The following CELSR3 variants were observed in gnomAD, a reference collection of about 807,000 sequenced individuals.
The protein encoded by CELSR3 is EGF-like protein 1.
CELSR3 carries 73 observed loss-of-function variants against 270.0 expected under a neutral mutation model. The observed-to-expected ratio is 0.27, with a 90% confidence interval of 0.22 to 0.33. The LOEUF (loss-of-function observed/expected upper bound fraction) is 0.33. Ranked by LOEUF, CELSR3 falls within the 10% of genes least tolerant of loss-of-function variation. The pLI is 1.00. For synonymous variants in CELSR3, 1,780 were observed against 1,905.4 expected, an observed-to-expected ratio of 0.93 and a Z score of 1.71; for missense variants, 3,614 against 4,533.8, an observed-to-expected ratio of 0.80 and a Z score of 5.83.
Position 48,646,641 on chromosome 3 carries a change from G to A in CELSR3, c.7295+122C>T. On this transcript the variant is annotated intron_variant, in intron 21 of 34. Coordinates refer to ENST00000164024, the MANE Select transcript of CELSR3 (RefSeq NM_001407.3). This position sits in a 1 kb window ranked among gnomAD's most constrained non-coding sequence, Gnocchi z 4.8. ...TAAGATTCACACAGAACCCGGCAAG[G>A]ATGGGGCTCCCTGGAGCTGTGCTCC... 1 of 1,036,054 alleles carries A rather than the reference G, an allele frequency of 9.7e-7. No individual in the cohort carries two copies. The highest frequency in any genetic ancestry group is 1.4e-6 in the Non-Finnish European group (1 of 714,874). The allele number at this position is 1,036,054 out of a possible 1,614,324, so 64.2% of individuals were successfully genotyped here.
chr3:48,638,151 T>G lies in CELSR3; in HGVS notation c.*54A>C, dbSNP rs1276489496. On this transcript the variant is annotated 3_prime_UTR_variant, in exon 35 of 35. Coordinates refer to ENST00000164024, the MANE Select transcript of CELSR3 (RefSeq NM_001407.3). ...GCCCCCACTCCTGGAGTCTCTCCTG[T>G]TAGCCTAGATCCTCTGTCGCCCTCA... 2.6e-6 allele frequency: 4 copies of G among 1,546,294 alleles called. No homozygotes were observed. The highest frequency in any genetic ancestry group is 3.6e-6 in the Non-Finnish European group (4 of 1,118,892).
rs1379503261 is a variant in CELSR3 at position 48,662,555 on chromosome 3, A to G, written c.80T>C (p.Phe27Ser). 1 of 1,583,352 alleles carries G rather than the reference A, an allele frequency of 6.3e-7. No individual in the cohort carries two copies. The highest frequency in any genetic ancestry group is 1.4e-5 in the African/African-American group (1 of 73,288). The change falls in exon 1 of 35, where the codon TTC (phenylalanine) becomes TCC (serine). Residue 27 changes from phenylalanine to serine, a missense_variant. Phe to Ser is a radical substitution (Grantham distance 155, BLOSUM62 -2). Around this residue, in one of 7 missense-constraint regions of CELSR3, gnomAD observed 470 missense variants for 469.7 expected, o/e 1.00. Coordinates refer to ENST00000164024, the MANE Select transcript of CELSR3 (RefSeq NM_001407.3). This position sits in a 1 kb window ranked among gnomAD's most constrained non-coding sequence, Gnocchi z 7.1. The part of the protein sequence containing the change: ...PILLLLLLSL[F>S]PLSQEELGGG... ...CCCCAGCTCCTCCTGGCTGAGGGGGAACAAAGAGAGGAGAAGGAGCAGGAG... is the reference window on the plus strand; with the variant it reads ...CCCCAGCTCCTCCTGGCTGAGGGGGGACAAAGAGAGGAGAAGGAGCAGGAG...
chr3:48,660,060 G>C lies in CELSR3; in HGVS notation c.2575C>G (p.Gln859Glu), dbSNP rs757994134. 7 of 1,614,092 alleles carry C rather than the reference G, an allele frequency of 4.3e-6. No individual in the cohort carries two copies. The Admixed American group carries it at 1.0e-4, about 23-fold the overall frequency. The change falls in exon 1 of 35, where the codon CAA becomes GAA. Residue 859 changes from glutamine (Q) to glutamate (E), a missense_variant. Transcript: ENST00000164024. This position sits in a 1 kb window ranked among gnomAD's most constrained non-coding sequence, Gnocchi z 5.5. The stretch of plus-strand genomic sequence containing the variant: ...ACACTCACTGAGTAGTGGGCACTTT[G>C]AAAGACCGGCCGATGAGTGTTGGCA... Reference protein sequence around the residue: ...TDANTHRPVFQSAHYSVSVNE... With the variant: ...TDANTHRPVFESAHYSVSVNE...
Position 48,645,043 on chromosome 3 carries a change from A to C in CELSR3, c.7964T>G (p.Val2655Gly). The C allele has an allele frequency of 6.3e-7, 1 of 1,582,484 alleles. No individual in the cohort carries two copies. The highest frequency in any genetic ancestry group is 8.6e-7 in the Non-Finnish European group (1 of 1,159,486). The change falls in exon 25 of 35, where the codon GTG becomes GGG. Residue 2655 changes from valine (V) to glycine (G), a missense_variant. Coordinates refer to ENST00000164024, the MANE Select transcript of CELSR3 (RefSeq NM_001407.3). The surrounding 1 kb of genome is among the most constrained non-coding windows in gnomAD (Gnocchi z 5.4). ...YHALGWGVPA[V>G]LLGLAVGLDP... ...GGGGTCACAGCCCTCACCCAGCAGCACAGCAGGGACGCCCCAGCCCAGGGC... is the reference window on the plus strand; with the variant it reads ...GGGGTCACAGCCCTCACCCAGCAGCCCAGCAGGGACGCCCCAGCCCAGGGC...
Position 48,657,308 on chromosome 3 carries a change from C to T in CELSR3, c.3789G>A (p.Val1263=). 6.2e-7 allele frequency: 1 copy of T among 1,609,010 alleles called. No homozygotes were observed. The highest frequency in any genetic ancestry group is 1.1e-5 in the South Asian group (1 of 90,358). The change falls in exon 2 of 35, where the codon GTG becomes GTA. Residue 1263 remains valine (V), a synonymous_variant. Transcript: ENST00000164024. The surrounding 1 kb of genome is among the most constrained non-coding windows in gnomAD (Gnocchi z 5.4). ...HSVTAQCVLR[V]VIITEELLAN... is the part of the protein sequence containing the mutation. ...CCAGCAACTCCTCCGTGATGATGAC[C>T]ACGCGCAGCACACACTGCGCCGTCA... is the stretch of plus-strand genomic sequence containing the variant.
In CELSR3 at chr3:48,639,555, G is replaced by A. The variant is rs1235095627; in HGVS notation, c.9911+119C>T. ...TGGCCCTCTGGCTGTGCTGAGCCTG[G>A]GGTAGCCCACACCTGTCTGCCAGCC... On this transcript the variant is annotated intron_variant, in intron 34 of 34. Transcript: ENST00000164024. The surrounding 1 kb of genome is among the most constrained non-coding windows in gnomAD (Gnocchi z 4.1). The A allele has an allele frequency of 2.2e-6, 3 of 1,370,396 alleles. No homozygotes were observed. Among genetic ancestry groups the A allele is most frequent in the East Asian group, 4.6e-5 (2 of 43,140 alleles). 84.9% of individuals were successfully genotyped at this position (1,370,396 alleles called of 1,614,324 possible).
Position 48,661,815 on chromosome 3 carries a change from T to C in CELSR3, c.820A>G (p.Lys274Glu). Residue 274 changes from lysine (K) to glutamate (E), a missense_variant, in exon 1 of 35, where the codon AAG becomes GAG. By Grantham distance (56) the Lys-to-Glu change is moderately conservative (BLOSUM62 1). Coordinates refer to ENST00000164024, the MANE Select transcript of CELSR3 (RefSeq NM_001407.3). ...ESRTAPEPAP[K>E]RMRSRGLFRC... ...AAGAGACCCCGGGAGCGCATGCGCT[T>C]GGGCGCCGGCTCGGGAGCTGTCCGA... 6.2e-7 allele frequency: 1 copy of C among 1,609,266 alleles called. No individual in the cohort carries two copies. The highest frequency in any genetic ancestry group is 8.5e-7 in the Non-Finnish European group (1 of 1,179,426).
rs2047006902 is a variant in CELSR3, at chr3:48,639,903, C to T, written c.9682G>A (p.Glu3228Lys). The T allele has an allele frequency of 6.2e-7, 1 of 1,613,252 alleles. No homozygotes were observed. The highest frequency in any genetic ancestry group is 8.5e-7 in the Non-Finnish European group (1 of 1,180,008). The change falls in exon 34 of 35, where the codon GAG becomes AAG. Residue 3228 changes from glutamate (E) to lysine (K), a missense_variant. Physicochemically the swap from Glu to Lys is moderately conservative, Grantham distance 56. This residue lies in a region of CELSR3 where 1,240 missense variants were observed against 1,351.7 expected (regional missense o/e 0.92). Transcript: ENST00000164024. This position sits in a 1 kb window ranked among gnomAD's most constrained non-coding sequence, Gnocchi z 4.1. ...GPLPQLLRAR[E>K]DSVSGPSHGP... ...TGGCTGGGGCCACTGACCGAGTCCT[C>T]CCTAGCTCTGAGCAGCTGCGGGAGT... is the stretch of plus-strand genomic sequence containing the variant.
Position 48,638,224 on chromosome 3 carries a change from C to T in CELSR3, c.9920G>A (p.Arg3307Lys). The change falls in exon 35 of 35, where the codon AGA (arginine) becomes AAA (lysine). Residue 3307 changes from arginine (R) to lysine (K), a missense_variant. Arg to Lys is a conservative substitution (Grantham distance 26). Transcript: ENST00000164024. Reference protein sequence around the residue: ...SELSPDSEVPRSEGHS With the variant: ...SELSPDSEVPKSEGHS ...ATCCCCTCAGGAGTGACCCTCACTTCTGGGAACTCTGGAGGCACATGAGGA... is the reference window on the plus strand; with the variant it reads ...ATCCCCTCAGGAGTGACCCTCACTTTTGGGAACTCTGGAGGCACATGAGGA... The T allele has an allele frequency of 6.2e-7, 1 of 1,613,020 alleles. No individual in the cohort carries two copies. Among genetic ancestry groups the T allele is most frequent in the Non-Finnish European group, 8.5e-7 (1 of 1,179,312 alleles).
In CELSR3 at chr3:48,640,461, C is replaced by T. The variant is rs779487653; in HGVS notation, c.9124G>A (p.Val3042Met). Residue 3042 changes from valine to methionine, a missense_variant, in exon 34 of 35, where the codon GTG becomes ATG. Val to Met is a conservative substitution (Grantham distance 21). Transcript: ENST00000164024. The surrounding 1 kb of genome is among the most constrained non-coding windows in gnomAD (Gnocchi z 7.5). ...ATGCGACCGTAAGAGGCAGCTGGCACAGCACGGTGGCCCAAGGTGGCTGCA... is the reference window on the plus strand; with the variant it reads ...ATGCGACCGTAAGAGGCAGCTGGCATAGCACGGTGGCCCAAGGTGGCTGCA... Reference protein sequence around the residue: ...CRAATLGHRAVPAASYGRIYA... With the variant: ...CRAATLGHRAMPAASYGRIYA... 10 of 1,612,492 alleles carry T rather than the reference C, an allele frequency of 6.2e-6. No homozygotes were observed. Among genetic ancestry groups the T allele is most frequent in the Non-Finnish European group, 8.5e-6 (10 of 1,179,920 alleles).
chr3:48,650,435 G>GGGGGGGGGCC lies in CELSR3; in HGVS notation c.6472+44_6472+45insGGCCCCCCCC. ...CATGGCTCTAGCAGTCAGAGTACAG[G>GGGGGGGGGCC]CCCACCCCCACCCTCAGTGATGTCC... On this transcript the variant is annotated intron_variant, in intron 16 of 34. Coordinates refer to ENST00000164024, the MANE Select transcript of CELSR3 (RefSeq NM_001407.3). The surrounding 1 kb of genome is among the most constrained non-coding windows in gnomAD (Gnocchi z 5.1). 1 of 1,213,560 alleles carries GGGGGGGGGCC rather than the reference G, an allele frequency of 8.2e-7. No individual in the cohort carries two copies. Among genetic ancestry groups the GGGGGGGGGCC allele is most frequent in the East Asian group, 2.8e-5 (1 of 36,220 alleles). 75.2% of individuals were successfully genotyped at this position (1,213,560 alleles called of 1,614,324 possible).
chr3:48,642,079 G>A lies in CELSR3; in HGVS notation c.8666-70C>T. On this transcript the variant is annotated intron_variant, in intron 31 of 34. Transcript: ENST00000164024. This position sits in a 1 kb window ranked among gnomAD's most constrained non-coding sequence, Gnocchi z 6.1. The stretch of plus-strand genomic sequence containing the variant: ...GGAGATAAGGGAATTTGGAGTTGAG[G>A]GTCTAGAGGTGGGTACGGCAAGGGG... 7.0e-7 allele frequency: 1 copy of A among 1,433,370 alleles called. No homozygotes were observed. Among genetic ancestry groups the A allele is most frequent in the Non-Finnish European group, 9.3e-7 (1 of 1,071,346 alleles). The allele number at this position is 1,433,370 out of a possible 1,614,324, so 88.8% of individuals were successfully genotyped here.
Position 48,655,469 on chromosome 3 carries a change from A to G in CELSR3, c.4742-75T>C. On this transcript the variant is annotated intron_variant, in intron 4 of 34. Transcript: ENST00000164024. This position sits in a 1 kb window ranked among gnomAD's most constrained non-coding sequence, Gnocchi z 5.8. ...TCCCACCCGTCATATAAGCACAACC[A>G]TTCCCAGGGCCACCCTGGATGCATC... 1 of 1,459,042 alleles carries G rather than the reference A, an allele frequency of 6.9e-7. No individual in the cohort carries two copies. Among genetic ancestry groups the G allele is most frequent in the Non-Finnish European group, 9.6e-7 (1 of 1,043,572 alleles). 90.4% of individuals were successfully genotyped at this position (1,459,042 alleles called of 1,614,324 possible). A position where few individuals can be genotyped will look rare whatever the true frequency, so the allele number is the denominator to read the frequency against.
intron 34 of CELSR3, among the ~76,000 whole-genome samples, chr3:48,638,606 G>T (rs962724658): frequency 6.7e-6 from 1 of 149,534 alleles, no homozygotes; most frequent in Admixed American, 6.6e-5. Flanking sequence ...TCTGCCTAAG[G>T]TCACGCAGCT....
rs567566101 is a variant in CELSR3 at position 48,660,545 on chromosome 3, G to A, written c.2090C>T (p.Thr697Ile). The change falls in exon 1 of 35, where the codon ACT becomes ATT. Residue 697 changes from threonine (T) to isoleucine (I), a missense_variant. By Grantham distance (89) the Thr-to-Ile change is moderately conservative. Transcript: ENST00000164024. This position sits in a 1 kb window ranked among gnomAD's most constrained non-coding sequence, Gnocchi z 5.5. ...AGTGGCGCTGTTTATCACAAAAGGA[G>A]TATCAGGTGCCACACCAGTTAGGGA... ...EYSLTGVAPD[T>I]PFVINSATGW... is the part of the protein sequence containing the mutation. 2.0e-5 allele frequency: 32 copies of A among 1,614,210 alleles called. No individual in the cohort carries two copies. In the South Asian group the frequency reaches 3.1e-4, roughly 16 times the overall value.
At chr3:48,648,683 G>A (rs373067008) in intron 18 of CELSR3, 36 bp downstream of exon 18, 7 of 1,592,956 alleles carry the variant, frequency 4.4e-6, no homozygotes, top group South Asian at 1.1e-5. Flanking sequence ...GGGAGCTGGG[G>A]GGCCAAGGCA....
At position 48,646,570 on chromosome 3, in the gene CELSR3, G is replaced by C. The variant is rs2047086504; in HGVS notation, c.7295+193C>G. On this transcript the variant is annotated intron_variant, in intron 21 of 34. Coordinates refer to ENST00000164024, the MANE Select transcript of CELSR3 (RefSeq NM_001407.3). This position sits in a 1 kb window ranked among gnomAD's most constrained non-coding sequence, Gnocchi z 4.8. ...ATGGATCCCTCCTGTGTGTGGCTCT[G>C]TGTCTGTCAGCCTGTGGCTCTGTCA... 6.6e-6 allele frequency among the ~76,000 whole-genome samples: 1 copy of C among 152,196 alleles called. No individual in the cohort carries two copies. The highest frequency in any genetic ancestry group is 6.5e-5 in the Admixed American group (1 of 15,284).
Position 48,644,350 on chromosome 3 carries a change from G to A in CELSR3, c.8086-55C>T, listed in dbSNP as rs1469941829. ...GGCAGGGCAGAGAGAGAGAGAGAGA[G>A]AGAGGCAATGAGAGACAGAGAGAGA... On this transcript the variant is annotated intron_variant, in intron 26 of 34. Coordinates refer to ENST00000164024, the MANE Select transcript of CELSR3 (RefSeq NM_001407.3). The surrounding 1 kb of genome is among the most constrained non-coding windows in gnomAD (Gnocchi z 4.8). 6.7e-7 allele frequency: 1 copy of A among 1,486,900 alleles called. No individual in the cohort carries two copies. The highest frequency in any genetic ancestry group is 1.4e-5 in the African/African-American group (1 of 72,392). The allele number at this position is 1,486,900 out of a possible 1,614,324, so 92.1% of individuals were successfully genotyped here.
At position 48,645,872 on chromosome 3, in the gene CELSR3, C is replaced by A; in HGVS notation, c.7464-4G>T. 6.3e-7 allele frequency: 1 copy of A among 1,593,018 alleles called. No homozygotes were observed. ...CCACACACCATGCTGCTCCGCCCTG[C>A]AGCCACAGGGCAGTTAGACACAACT... On this transcript the variant is annotated splice_polypyrimidine_tract_variant and splice_region_variant and intron_variant, in intron 22 of 34. Transcript: ENST00000164024. The surrounding 1 kb of genome is among the most constrained non-coding windows in gnomAD (Gnocchi z 5.4).
Sources: allele counts gnomAD v4.1 joint callset (sites outside exome capture counted in the v4.1 genomes callset), GRCh38; gene constraint gnomAD v4.1.1; regional missense constraint gnomAD v4.1.1; non-coding constraint Gnocchi (gnomAD v3.1); transcripts MANE v1.5; gene names NCBI Gene and HGNC (gene_info 2026-07-23, HGNC 2026-07-21).